Variants in IL1RAPL2 observed in about 807,000 individuals in gnomAD.
IL1RAPL2 encodes interleukin 1 receptor accessory protein like 2.
A neutral mutation model predicts 44.1 loss-of-function variants in IL1RAPL2; 3 were observed. The ratio of observed to expected loss-of-function variants is 0.07; its 90% CI spans 0.03 to 0.18. The LOEUF (loss-of-function observed/expected upper bound fraction) is 0.18, where lower values mean the gene tolerates loss of function less well. Ranked by LOEUF, IL1RAPL2 falls within the 10% of genes least tolerant of loss-of-function variation. The pLI is 1.00. For synonymous variants in IL1RAPL2, 181 were observed against 178.8 expected (o/e 1.01, Z -0.10); for missense variants, 391 against 496.4 (o/e 0.79, Z 2.02).
chrX:105,631,536 G>A (rs1197559657), intron 6 of IL1RAPL2, among the ~76,000 whole-genome samples: 1 of 111,999 alleles, frequency 8.9e-6, no homozygotes, highest in African/African-American at 3.2e-5. Context: ...TTTCAGAAAC[G>A]AATAAACAAA....
chrX:104,890,882 G>A (rs1381037326), intron 2 of IL1RAPL2, among the ~76,000 whole-genome samples: 1 of 111,753 alleles, frequency 8.9e-6, no homozygotes, highest in African/African-American at 3.3e-5. Context: ...CCATGCCTAT[G>A]TCCTGAATGG....
At position 104,668,396 on chromosome X, in the gene IL1RAPL2, T is replaced by C. The variant is rs774919744; in HGVS notation, c.82+9401T>C. ...AATGTGCAGGTTAGTTACATATGTA[T>C]ACATGTGCCATGCTGGTGTGCTGCA... On this transcript the variant is annotated intron_variant, in intron 2 of 10. Coordinates refer to ENST00000372582, the MANE Select transcript of IL1RAPL2 (RefSeq NM_017416.2). 2.4e-3 allele frequency among the ~76,000 whole-genome samples: 257 copies of C among 107,035 alleles called. 1 individual carries two copies. Among genetic ancestry groups the C allele is most frequent in the Admixed American group, 5.2e-3 (51 of 9,865 alleles). 92.9% of individuals were successfully genotyped at this position (107,035 alleles called of 115,157 possible). A position where few individuals can be genotyped will look rare whatever the true frequency, so the allele number is the denominator to read the frequency against.
At chrX:105,136,977 C>T (rs907109640) in intron 2 of IL1RAPL2, among the ~76,000 whole-genome samples, 8 of 112,120 alleles carry the variant, frequency 7.1e-5, no homozygotes. Flanking sequence ...ATTTCCCTAT[C>T]AGAAGCCACC....
chrX:105,463,570 CCACACA>C (rs55781747), intron 5 of IL1RAPL2, among the ~76,000 whole-genome samples: 1,049 of 98,538 alleles, frequency 0.011, 7 homozygotes, highest in Middle Eastern at 0.016. Flanking sequence ...TCTCTCTCTC[CCACACA>C]CACACACACA....
intron 2 of IL1RAPL2, among the ~76,000 whole-genome samples, chrX:104,761,969 CTTCTTCTTCTTCTT>C (rs1569309961): frequency 3.1e-5 from 3 of 97,579 alleles, no homozygotes; most frequent in African/African-American, 1.2e-4. Flanking sequence ...TCTTCTTCTT[CTTCTTCTTCTTCTT>C]CCTCCTCCTC....
intron 2 of IL1RAPL2, among the ~76,000 whole-genome samples, chrX:104,699,437 C>T (rs1931237555): frequency 9.0e-6 from 1 of 111,111 alleles, no homozygotes; most frequent in African/African-American, 3.3e-5. Flanking sequence ...CAATAGGGCT[C>T]GCACTCCTAT....
intron 5 of IL1RAPL2, among the ~76,000 whole-genome samples, chrX:105,292,968 C>T (rs1023426041): frequency 1.4e-4 from 15 of 109,123 alleles, no homozygotes; most frequent in Non-Finnish European, 2.1e-4. Flanking sequence ...AAAAATTATC[C>T]GGGCATTGTG....
chrX:105,643,568 C>T (rs1468188866), intron 6 of IL1RAPL2, among the ~76,000 whole-genome samples: 1 of 112,151 alleles, frequency 8.9e-6, no homozygotes, highest in Non-Finnish European at 1.9e-5. Context: ...ATGCTTTTGG[C>T]CCTCTGCTTC....
At chrX:105,045,650 C>A (rs1394288162) in intron 2 of IL1RAPL2, among the ~76,000 whole-genome samples, 2 of 111,597 alleles carry the variant, frequency 1.8e-5, no homozygotes, top group Non-Finnish European at 3.8e-5. Flanking sequence ...TGGGCTTATG[C>A]AATCTTCCCA....
chrX:104,680,758 G>C (rs751848097), intron 2 of IL1RAPL2, among the ~76,000 whole-genome samples: 1 of 111,881 alleles, frequency 8.9e-6, no homozygotes, highest in Admixed American at 9.5e-5. Flanking sequence ...AGAATGAAAT[G>C]AGGGCAGTCT....
chrX:104,582,834 T>TTCTTTC (rs2147993015), intron 1 of IL1RAPL2, among the ~76,000 whole-genome samples: 1 of 78,949 alleles, frequency 1.3e-5, no homozygotes, highest in South Asian at 6.6e-4. Flanking sequence ...CTTTCTTTCT[T>TTCTTTC]TCTTTCTTTC....
At chrX:105,233,048 C>A (rs1454175067) in intron 3 of IL1RAPL2, among the ~76,000 whole-genome samples, 1 of 111,827 alleles carries the variant, frequency 8.9e-6, no homozygotes, top group Non-Finnish European at 1.9e-5. Context: ...CTTTGGGAGG[C>A]CGAGGCGGGC....
intron 2 of IL1RAPL2, among the ~76,000 whole-genome samples, chrX:104,988,715 G>C (rs2147730785): frequency 8.9e-6 from 1 of 112,127 alleles, no homozygotes; most frequent in Admixed American, 9.4e-5. Flanking sequence ...ATATTAAAAT[G>C]CTTTTTAAGA....
intron 2 of IL1RAPL2, among the ~76,000 whole-genome samples, chrX:104,961,282 G>T (rs1424725478): frequency 9.0e-6 from 1 of 111,684 alleles, no homozygotes; most frequent in Non-Finnish European, 1.9e-5. Context: ...TTGCTGCCTT[G>T]AAGTAGGATC....
rs1172515228 is a variant in IL1RAPL2 at position 105,520,923 on chromosome X, C to CTTTTTT, written c.772+36560_772+36565dup. Among the ~76,000 whole-genome samples the CTTTTTT allele has an allele frequency of 3.1e-3, 161 of 52,355 alleles. 7 individuals carry two copies. Among genetic ancestry groups the CTTTTTT allele is most frequent in the South Asian group, 7.3e-3 (6 of 820 alleles). 45.5% of individuals were successfully genotyped at this position (52,355 alleles called of 115,157 possible). A position where few individuals can be genotyped will look rare whatever the true frequency, so the allele number is the denominator to read the frequency against. On this transcript the variant is annotated intron_variant, in intron 6 of 10. Coordinates refer to ENST00000372582, the MANE Select transcript of IL1RAPL2 (RefSeq NM_017416.2). The stretch of plus-strand genomic sequence containing the variant: ...CAATATTATAGCTATTTCTTTCTTT[C>CTTTTTT]TTTTTTTTTTTTTTTTTTTTTTTTT...
intron 2 of IL1RAPL2, among the ~76,000 whole-genome samples, chrX:105,176,147 G>A (rs994164646): frequency 2.7e-5 from 3 of 110,795 alleles, no homozygotes; most frequent in Admixed American, 9.6e-5. Context: ...TAGTATTAAG[G>A]ATATACTAGA....
intron 6 of IL1RAPL2, among the ~76,000 whole-genome samples, chrX:105,525,421 TATA>T (rs1289974049): frequency 2.7e-5 from 3 of 111,329 alleles, no homozygotes; most frequent in Non-Finnish European, 3.8e-5. Flanking sequence ...AAAAGAATAA[TATA>T]ATGAATGTCC....
intron 2 of IL1RAPL2, among the ~76,000 whole-genome samples, chrX:105,030,158 T>C (rs1254694802): frequency 1.8e-5 from 2 of 111,828 alleles, no homozygotes; most frequent in Admixed American, 9.5e-5. Flanking sequence ...CTTTGACAGA[T>C]GAGTAGGTTG....
At chrX:105,409,639 G>T (rs1339656599) in intron 5 of IL1RAPL2, among the ~76,000 whole-genome samples, 1 of 111,056 alleles carries the variant, frequency 9.0e-6, no homozygotes, top group Admixed American at 9.6e-5. Context: ...ACATGAAGAT[G>T]AGTGGGGAAA....
Sources: allele counts gnomAD v4.1 joint callset (sites outside exome capture counted in the v4.1 genomes callset), GRCh38; gene constraint gnomAD v4.1.1; transcripts MANE v1.5; gene names NCBI Gene and HGNC (gene_info 2026-07-23, HGNC 2026-07-21).